Variants in TTC7B observed in about 807,000 individuals in gnomAD.
TTC7B encodes the protein tetratricopeptide repeat domain 7B.
TTC7B carries 28 observed loss-of-function variants against 106.8 expected under a neutral mutation model. The observed-to-expected ratio is 0.26, with a 90% CI of 0.19 to 0.36. TTC7B has a LOEUF of 0.36. Ranked by LOEUF, TTC7B falls within the 10% of genes least tolerant of loss-of-function variation. The pLI is 1.00. For synonymous variants in TTC7B, 405 were observed against 430.6 expected (o/e 0.94, Z 0.74); for missense variants, 862 against 1,076.4 (o/e 0.80, Z 2.79).
At chr14:90,640,984 A>G (rs1015137097) in intron 15 of TTC7B, among the ~76,000 whole-genome samples, 1 of 152,202 alleles carries the variant, frequency 6.6e-6, no homozygotes, top group Admixed American at 6.5e-5. Flanking sequence ...GACTAACCCT[A>G]TAACACTTCC....
At chr14:90,694,750 T>C (rs1391562722) in intron 6 of TTC7B, among the ~76,000 whole-genome samples, 3 of 141,698 alleles carry the variant, frequency 2.1e-5, no homozygotes, top group Admixed American at 7.2e-5. Context: ...TTATTTTATA[T>C]AAAATAAATA....
intron 5 of TTC7B, among the ~76,000 whole-genome samples, chr14:90,703,397 G>A (rs1390934606): frequency 6.6e-6 from 1 of 152,202 alleles, no homozygotes; most frequent in Non-Finnish European, 1.5e-5. Flanking sequence ...CAGAAAGGAT[G>A]TCAAGGGGAG....
chr14:90,705,379 G>C (rs565721753), intron 5 of TTC7B, among the ~76,000 whole-genome samples: 1 of 152,140 alleles, frequency 6.6e-6, no homozygotes, highest in Non-Finnish European at 1.5e-5. Context: ...GATAAGGAGG[G>C]AAACTGAGTC....
chr14:90,764,941 A>C (rs747594183), intron 3 of TTC7B, among the ~76,000 whole-genome samples: 1 of 152,220 alleles, frequency 6.6e-6, no homozygotes, highest in Non-Finnish European at 1.5e-5. Context: ...CCCTAAGTAT[A>C]CATCCAAGAT....
intron 17 of TTC7B, chr14:90,605,848 A>C: frequency 1.1e-5 from 11 of 968,122 alleles, no homozygotes; most frequent in Middle Eastern, 4.6e-4. Context: ...TAATATACTC[A>C]CATAAGCTGC....
At chr14:90,647,269 C>T in intron 13 of TTC7B, 2 of 454,014 alleles carry the variant, frequency 4.4e-6, no homozygotes, top group South Asian at 2.5e-5. Flanking sequence ...AAAATGGCAG[C>T]TGAAGCTTGT....
chr14:90,658,448 A>G (rs1886043788), intron 9 of TTC7B, 61 bp from the exon 10 acceptor site: 1 of 1,485,676 alleles, frequency 6.7e-7, no homozygotes, highest in South Asian at 1.1e-5. Flanking sequence ...CAACTGCACA[A>G]GTGTGAGTTT....
intron 18 of TTC7B, among the ~76,000 whole-genome samples, chr14:90,582,695 G>A (rs758845951): frequency 7.9e-5 from 12 of 152,308 alleles, no homozygotes; most frequent in Admixed American, 3.9e-4. Flanking sequence ...TTTGAGCCCC[G>A]CAGCTCTATT....
chr14:90,672,878 T>A (rs985807962), intron 9 of TTC7B, among the ~76,000 whole-genome samples: 28 of 152,218 alleles, frequency 1.8e-4, no homozygotes, highest in Non-Finnish European at 8.8e-5. Flanking sequence ...AGTGCTGGGC[T>A]CTGTTCTGAG....
chr14:90,581,817 C>T (rs906886506), intron 18 of TTC7B, among the ~76,000 whole-genome samples: 9 of 152,228 alleles, frequency 5.9e-5, no homozygotes, highest in Admixed American at 2.6e-4. Flanking sequence ...TTCCAAGTAT[C>T]TCACTGGTCG....
At position 90,786,297 on chromosome 14, in the gene TTC7B, C is replaced by A; in HGVS notation, c.153G>T (p.Ser51=). Residue 51 remains serine (S), a synonymous_variant, in exon 2 of 20, where the codon TCG becomes TCT. Transcript: ENST00000328459. ...GTTCCTTCAGGTACTGCTCCAGCTT[C>A]GACTCCCCGAGGAGAAGCTCTGCCA... ...DDMAELLLGE[S]KLEQYLKEHP... is the part of the protein sequence containing the mutation. The A allele has an allele frequency of 6.2e-7, 1 of 1,613,354 alleles. No individual in the cohort carries two copies. The highest frequency in any genetic ancestry group is 8.5e-7 in the Non-Finnish European group (1 of 1,179,722).
chr14:90,592,935 C>T (rs1672755354), intron 18 of TTC7B, among the ~76,000 whole-genome samples: 1 of 152,094 alleles, frequency 6.6e-6, no homozygotes, highest in South Asian at 2.1e-4. Context: ...AAACACACAG[C>T]CCCTTCCCTG....
intron 9 of TTC7B, among the ~76,000 whole-genome samples, chr14:90,673,282 G>C (rs764308632): frequency 2.0e-5 from 3 of 152,232 alleles, no homozygotes; most frequent in Non-Finnish European, 4.4e-5. Context: ...TATCTCAGGA[G>C]AGCTGGATTC....
intron 13 of TTC7B, among the ~76,000 whole-genome samples, chr14:90,649,383 T>C (rs73326868): frequency 0.081 from 12,300 of 152,198 alleles, 853 homozygotes; most frequent in African/African-American, 0.19. Flanking sequence ...GTGGAGCAAC[T>C]TCAGCAGCTA....
chr14:90,602,381 A>T (rs748181941), intron 17 of TTC7B, among the ~76,000 whole-genome samples: 73 of 152,370 alleles, frequency 4.8e-4, no homozygotes, highest in Middle Eastern at 3.4e-3. Context: ...CAGATGTGAC[A>T]AGTCACTAAT....
intron 1 of TTC7B, among the ~76,000 whole-genome samples, chr14:90,790,826 C>A (rs1368587624): frequency 6.6e-6 from 1 of 152,228 alleles, no homozygotes; most frequent in Middle Eastern, 3.4e-3. Context: ...AGTGAACACA[C>A]CTCCCAGCTG....
intron 4 of TTC7B, among the ~76,000 whole-genome samples, chr14:90,744,581 T>C (rs1889888543): frequency 6.6e-6 from 1 of 152,158 alleles, no homozygotes; most frequent in African/African-American, 2.4e-5. Flanking sequence ...AGTGCTAGGA[T>C]TACAGGTGTG....
At chr14:90,631,271 G>A (rs1026413908) in intron 15 of TTC7B, among the ~76,000 whole-genome samples, 1 of 152,128 alleles carries the variant, frequency 6.6e-6, no homozygotes, top group Non-Finnish European at 1.5e-5. Context: ...TGTGAACACG[G>A]GTGTATAGAT....
chr14:90,544,953 C>T (rs980225722), intron 19 of TTC7B, among the ~76,000 whole-genome samples: 1 of 152,204 alleles, frequency 6.6e-6, no homozygotes, highest in Admixed American at 6.5e-5. Flanking sequence ...CTAGGCTCTG[C>T]CACCGTAGCA....
Sources: gnomAD v4.1 joint callset for allele counts (sites outside exome capture counted in the v4.1 genomes callset) on GRCh38, gnomAD v4.1.1 for gene constraint, MANE v1.5 for transcripts, NCBI Gene and HGNC (gene_info 2026-07-23, HGNC 2026-07-21) for gene names.